FHL5: variants seen among roughly 807,000 people sequenced by gnomAD.
FHL5 encodes the protein four and a half LIM domains protein 5.
FHL5 carries 33 observed loss-of-function variants against 32.0 expected under a neutral mutation model. That is an observed-to-expected ratio of 1.03 (90% CI 0.78 to 1.38). FHL5 has a LOEUF of 1.38. Ranked by LOEUF, FHL5 falls within the 40% of genes most tolerant of loss-of-function variation. The pLI is 0.00. For synonymous variants in FHL5, 114 were observed against 113.6 expected, an observed-to-expected ratio of 1.00 and a Z score of -0.02; for missense variants, 336 against 343.9, an observed-to-expected ratio of 0.98 and a Z score of 0.18.
chr6:96,590,940 T>A (rs1770902785), intron 1 of FHL5, among the ~76,000 whole-genome samples: 1 of 152,160 alleles, frequency 6.6e-6, no homozygotes, highest in African/African-American at 2.4e-5. Context: ...ATCAACTTGA[T>A]CATGATATAC....
chr6:96,568,413 A>T (rs911490964), intron 1 of FHL5, among the ~76,000 whole-genome samples: 1 of 151,712 alleles, frequency 6.6e-6, no homozygotes, highest in Non-Finnish European at 1.5e-5. Context: ...TCATTGGCTT[A>T]TAGTTTTCTT....
chr6:96,592,100 G>A (rs1770931898), intron 1 of FHL5, among the ~76,000 whole-genome samples: 1 of 152,110 alleles, frequency 6.6e-6, no homozygotes, highest in South Asian at 2.1e-4. Context: ...CATCTTATCA[G>A]GAGACAGGGT....
At position 96,567,825 on chromosome 6, in the gene FHL5, C is replaced by CTTTTT. The variant is rs757441385; in HGVS notation, c.-13+4483_-13+4487dup. 4.6e-3 allele frequency among the ~76,000 whole-genome samples: 511 copies of CTTTTT among 110,512 alleles called. 18 individuals are homozygous for CTTTTT. The highest frequency in any genetic ancestry group is 0.011 in the South Asian group (38 of 3,368). 72.5% of individuals were successfully genotyped at this position (110,512 alleles called of 152,430 possible). ...TAGAAAAGCTACTGGTTTTTGTATT[C>CTTTTT]TTTTTTTTTTTTTTTTTGTATCCTC... On this transcript the variant is annotated intron_variant, in intron 1 of 5. Transcript: ENST00000450218.
In FHL5 at chr6:96,571,302, C is replaced by T. The variant is rs547306591; in HGVS notation, c.-13+7947C>T. ...AACTGTGGGTGCCTCATAGCCTACGCTTAGAGGTTTGTGGCAATGGCACTG... is the reference window on the plus strand; with the variant it reads ...AACTGTGGGTGCCTCATAGCCTACGTTTAGAGGTTTGTGGCAATGGCACTG... On this transcript the variant is annotated intron_variant, in intron 1 of 5. Coordinates refer to ENST00000450218, the MANE Select transcript of FHL5 (RefSeq NM_001322466.2). 2.0e-5 allele frequency among the ~76,000 whole-genome samples: 3 copies of T among 152,278 alleles called. No homozygotes were observed. In the South Asian group the frequency reaches 6.2e-4, roughly 32 times the overall value.
At chr6:96,589,708 T>C (rs1770875924) in intron 1 of FHL5, among the ~76,000 whole-genome samples, 1 of 152,078 alleles carries the variant, frequency 6.6e-6, no homozygotes, top group African/African-American at 2.4e-5. Context: ...TTTCTCTACA[T>C]GGCCAGCATA....
chr6:96,574,054 T>C (rs970058783), intron 1 of FHL5, among the ~76,000 whole-genome samples: 6 of 152,170 alleles, frequency 3.9e-5, no homozygotes, highest in African/African-American at 1.4e-4. Flanking sequence ...AATTATATAA[T>C]TGAGGTCATA....
chr6:96,605,818 T>G (rs1490856759), intron 3 of FHL5, 84 bp from the exon 4 acceptor site: 1 of 1,123,168 alleles, frequency 8.9e-7, no homozygotes, highest in African/African-American at 1.6e-5. Context: ...ACTTAAAACG[T>G]TTTTAAGTAA....
intron 1 of FHL5, among the ~76,000 whole-genome samples, chr6:96,574,721 CTAAA>C (rs1327061606): frequency 6.6e-6 from 1 of 152,002 alleles, no homozygotes; most frequent in Admixed American, 6.5e-5. Flanking sequence ...TTATTATATG[CTAAA>C]TAGTTATTAA....
rs1186751815 is a variant in FHL5, at chr6:96,616,472, G to A, written c.*700G>A. The A allele has an allele frequency of 1.3e-4, 20 of 152,144 alleles. No homozygotes were observed. Among genetic ancestry groups the A allele is most frequent in the Admixed American group, 1.3e-3 (20 of 15,272 alleles). The allele number at this position is 152,144 out of a possible 1,614,324, so 9.4% of individuals were successfully genotyped here. On this transcript the variant is annotated 3_prime_UTR_variant, in exon 6 of 6. Coordinates refer to ENST00000450218, the MANE Select transcript of FHL5 (RefSeq NM_001322466.2). ...TTCTACCTAGGGATAGCCAAAGCAT[G>A]GGTTTCAACACGTTTTGTATTAAAT...
At chr6:96,588,019 C>T (rs552182257) in intron 1 of FHL5, among the ~76,000 whole-genome samples, 5 of 152,218 alleles carry the variant, frequency 3.3e-5, no homozygotes, top group Admixed American at 6.5e-5. Context: ...GTATAAACTC[C>T]GTGGCTGTGA....
At chr6:96,576,844 T>C (rs1352242084) in intron 1 of FHL5, among the ~76,000 whole-genome samples, 1 of 152,246 alleles carries the variant, frequency 6.6e-6, no homozygotes, top group Non-Finnish European at 1.5e-5. Flanking sequence ...AAGTGATGTT[T>C]AGAATGAAGA....
chr6:96,602,430 T>C (rs6568485), intron 1 of FHL5, among the ~76,000 whole-genome samples: 10,250 of 70,094 alleles, frequency 0.15, 390 homozygotes, highest in South Asian at 0.21. Context: ...TTGTTTCTTT[T>C]TTTTTTTTTT....
At chr6:96,596,290 G>A (rs906206825) in intron 1 of FHL5, among the ~76,000 whole-genome samples, 21 of 151,946 alleles carry the variant, frequency 1.4e-4, no homozygotes, top group African/African-American at 4.6e-4. Context: ...TTGCCAGTTC[G>A]GCAACACATT....
intron 3 of FHL5, 57 bp downstream of exon 3, chr6:96,604,981 T>A (rs1043101537): frequency 1.4e-6 from 2 of 1,397,526 alleles, no homozygotes; most frequent in African/African-American, 2.9e-5. Flanking sequence ...TTTCATTAAG[T>A]CCCAGCACAT....
chr6:96,581,461 C>T (rs979372518), intron 1 of FHL5, among the ~76,000 whole-genome samples: 7 of 152,126 alleles, frequency 4.6e-5, no homozygotes, highest in Admixed American at 2.0e-4. Flanking sequence ...TATCTTATGC[C>T]ACCTAAATAC....
intron 1 of FHL5, among the ~76,000 whole-genome samples, chr6:96,582,328 G>A (rs951475987): frequency 1.3e-5 from 2 of 151,712 alleles, no homozygotes; most frequent in Non-Finnish European, 2.9e-5. Context: ...TCATGGTCTT[G>A]AAAATTTTCT....
At chr6:96,609,096 C>CT (rs1562065255) in intron 4 of FHL5, among the ~76,000 whole-genome samples, 5 of 152,106 alleles carry the variant, frequency 3.3e-5, no homozygotes, top group Non-Finnish European at 5.9e-5. Flanking sequence ...GAATAGTATG[C>CT]TTTTTTCCCT....
chr6:96,586,489 G>A (rs1231828968), intron 1 of FHL5, among the ~76,000 whole-genome samples: 1 of 152,102 alleles, frequency 6.6e-6, no homozygotes, highest in Non-Finnish European at 1.5e-5. Context: ...TTCTAAAATT[G>A]AAGCATGAGC....
chr6:96,603,562 ATT>A, intron 1 of FHL5, 38 bp from the exon 2 acceptor site: 1 of 1,460,412 alleles, frequency 6.8e-7, no homozygotes, highest in African/African-American at 1.4e-5. Context: ...TATAAACAAA[ATT>A]CTGCTTTTAT....
Sources: allele counts gnomAD v4.1 joint callset (sites outside exome capture counted in the v4.1 genomes callset), GRCh38; gene constraint gnomAD v4.1.1; transcripts MANE v1.5; gene names NCBI Gene and HGNC (gene_info 2026-07-23, HGNC 2026-07-21).